The following OSMR variants were observed in gnomAD, a reference collection of about 807,000 sequenced individuals.
OSMR encodes the protein oncostatin-M-specific receptor subunit beta.
Under a neutral mutation model 99.9 loss-of-function variants are expected in OSMR, and 81 were observed. The ratio of observed to expected loss-of-function variants is 0.81; its 90% confidence interval spans 0.68 to 0.97. The LOEUF (loss-of-function observed/expected upper bound fraction) is 0.97. Among genes scored for constraint, OSMR ranks in the 50% least tolerant of loss-of-function variants. The pLI is 0.00. For missense variants in OSMR, 1,099 were observed against 1,153.4 expected, an observed-to-expected ratio of 0.95 and a Z score of 0.68; for synonymous variants, 406 against 410.4, an observed-to-expected ratio of 0.99 and a Z score of 0.13.
downstream of OSMR, chr5:38,939,232 C>T (rs1747270213): frequency 8.6e-6 from 2 of 232,858 alleles, no homozygotes; most frequent in Non-Finnish European, 8.5e-6. Context: ...CACTGCTGAA[C>T]ACTTGGCCGT....
Position 38,933,084 on chromosome 5 carries a change from C to T in OSMR, c.2580C>T (p.Thr860=). 1 of 1,614,184 alleles carries T rather than the reference C, an allele frequency of 6.2e-7. No individual in the cohort carries two copies. Among genetic ancestry groups the T allele is most frequent in the Non-Finnish European group, 8.5e-7 (1 of 1,180,028 alleles). The part of the protein sequence containing the change: ...PGPCICFENL[T]YNQAASDSGS... ...CCTGCATCTGTTTTGAGAACTTGAC[C>T]TATAACCAGGCAGCTTCTGACTCTG... The change falls in exon 18 of 18, where the codon ACC becomes ACT. Residue 860 remains threonine (T), a synonymous_variant. Coordinates refer to ENST00000274276, the MANE Select transcript of OSMR (RefSeq NM_003999.3).
intron 9 of OSMR, among the ~76,000 whole-genome samples, chr5:38,913,461 A>G (rs1487882457): frequency 6.6e-6 from 1 of 152,006 alleles, no homozygotes; most frequent in Non-Finnish European, 1.5e-5. Context: ...GAGGTGGAAG[A>G]AAGGCATGAA....
intron 15 of OSMR, among the ~76,000 whole-genome samples, chr5:38,930,267 C>A (rs913989755): frequency 2.6e-5 from 4 of 152,190 alleles, no homozygotes; most frequent in Admixed American, 2.0e-4. Context: ...AAGAGAGTTT[C>A]TTTCCCCTTT....
chr5:38,944,470 T>A (rs1747952330), intron 2 of OSMR: 1 of 1,611,072 alleles, frequency 6.2e-7, no homozygotes, highest in East Asian at 2.2e-5. Context: ...CTCATGACAT[T>A]TAGTTGAAAC....
At position 38,876,186 on chromosome 5, in the gene OSMR, T is replaced by C; in HGVS notation, c.74-15T>C. ...CTATTAAATATTATTTCATACTTCA[T>C]TTTGATCTTTTCAGTCTTGGCTGAA... On this transcript the variant is annotated splice_polypyrimidine_tract_variant and intron_variant, in intron 2 of 17. Transcript: ENST00000274276. 6.2e-7 allele frequency: 1 copy of C among 1,606,954 alleles called. No homozygotes were observed.
In OSMR at chr5:38,923,188, T is replaced by G. The variant is rs573644654; in HGVS notation, c.1804T>G (p.Tyr602Asp). ...AGGAGTTCGATATGACTTCAGAATTTATGGGTTATCTACAAAAAGGATTGC... is the reference window on the plus strand; with the variant it reads ...AGGAGTTCGATATGACTTCAGAATTGATGGGTTATCTACAAAAAGGATTGC... ...RPGVRYDFRI[Y>D]GLSTKRIACL... is the part of the protein sequence containing the mutation. Residue 602 changes from tyrosine (Y) to aspartate (D), a missense_variant, in exon 13 of 18, where the codon TAT becomes GAT. Physicochemically the swap from Tyr to Asp is radical, Grantham distance 160 (BLOSUM62 -3). Coordinates refer to ENST00000274276, the MANE Select transcript of OSMR (RefSeq NM_003999.3). 2 of 1,613,426 alleles carry G rather than the reference T, an allele frequency of 1.2e-6. No homozygotes were observed. The highest frequency in any genetic ancestry group is 1.7e-6 in the Non-Finnish European group (2 of 1,179,364).
chr5:38,879,496 G>A (rs1397376219), intron 3 of OSMR, among the ~76,000 whole-genome samples: 2 of 152,194 alleles, frequency 1.3e-5, no homozygotes, highest in East Asian at 3.8e-4. Context: ...AAGAGAAGTG[G>A]CTGCATTTAA....
intron 7 of OSMR, among the ~76,000 whole-genome samples, chr5:38,893,872 G>A (rs1416148138): frequency 6.6e-6 from 1 of 152,120 alleles, no homozygotes. Context: ...GGGCATATAG[G>A]CACCAGATTG....
intron 15 of OSMR, among the ~76,000 whole-genome samples, chr5:38,931,460 G>A (rs1456846274): frequency 2.0e-5 from 3 of 152,178 alleles, no homozygotes; most frequent in South Asian, 2.1e-4. Context: ...AGGGCAAGCC[G>A]ATGTATGCAT....
chr5:38,929,330 T>C (rs922033217), intron 15 of OSMR, among the ~76,000 whole-genome samples: 2 of 152,130 alleles, frequency 1.3e-5, no homozygotes, highest in Non-Finnish European at 2.9e-5. Flanking sequence ...GTTAACTTTT[T>C]CTCGGATTAG....
intron 9 of OSMR, among the ~76,000 whole-genome samples, chr5:38,914,531 ATCAT>A (rs1347515421): frequency 6.6e-6 from 1 of 152,084 alleles, no homozygotes; most frequent in East Asian, 2.0e-4. Flanking sequence ...AGGAAAATAA[ATCAT>A]TCTACCAACA....
At chr5:38,855,296 T>A (rs1263702079) in intron 1 of OSMR, among the ~76,000 whole-genome samples, 1 of 152,166 alleles carries the variant, frequency 6.6e-6, no homozygotes, top group African/African-American at 2.4e-5. Context: ...TGGGTTTAAG[T>A]ACTATGTGTA....
At chr5:38,926,103 A>G (rs918878127) in intron 15 of OSMR, among the ~76,000 whole-genome samples, 2 of 152,254 alleles carry the variant, frequency 1.3e-5, no homozygotes, top group Non-Finnish European at 2.9e-5. Context: ...GAGAAAATAG[A>G]TACTGATGGA....
chr5:38,857,535 A>T (rs1167497506), intron 1 of OSMR, among the ~76,000 whole-genome samples: 5 of 152,210 alleles, frequency 3.3e-5, no homozygotes, highest in African/African-American at 1.2e-4. Flanking sequence ...ATACATAATT[A>T]TGGGGTACAG....
rs146207057 is a variant in OSMR, at chr5:38,884,958, C to T, written c.704-391C>T. Among the ~76,000 whole-genome samples, 11 of 152,270 alleles carry T rather than the reference C, an allele frequency of 7.2e-5. No homozygotes were observed. The East Asian group carries it at 2.1e-3, about 29-fold the overall frequency. ...TTTGCCATTCCCTGAACACTCAGCTCCTGCCTGTTGAATTTAGCAGGTGTA... is the reference window on the plus strand; with the variant it reads ...TTTGCCATTCCCTGAACACTCAGCTTCTGCCTGTTGAATTTAGCAGGTGTA... On this transcript the variant is annotated intron_variant, in intron 5 of 17. Coordinates refer to ENST00000274276, the MANE Select transcript of OSMR (RefSeq NM_003999.3).
At position 38,932,950 on chromosome 5, in the gene OSMR, A is replaced by C. The variant is rs1051386132; in HGVS notation, c.2446A>C (p.Thr816Pro). 4 of 1,614,094 alleles carry C rather than the reference A, an allele frequency of 2.5e-6. No homozygotes were observed. The East Asian group carries it at 6.7e-5, about 27-fold the overall frequency. Reference protein sequence around the residue: ...AIEVVSKPEGTKIQFLGTRKS... With the variant: ...AIEVVSKPEGPKIQFLGTRKS... ...TGAAGTTGTAAGCAAGCCAGAAGGG[A>C]CAAAGATACAGTTCCTAGGCACTAG... The change falls in exon 18 of 18, where the codon ACA becomes CCA. Residue 816 changes from threonine to proline, a missense_variant. Thr to Pro is a conservative substitution (Grantham distance 38). Transcript: ENST00000274276.
chr5:38,854,791 T>G (rs1325064035), intron 1 of OSMR, among the ~76,000 whole-genome samples: 1 of 152,158 alleles, frequency 6.6e-6, no homozygotes, highest in East Asian at 1.9e-4. Context: ...TTGGGAATAA[T>G]GGAGACCTGA....
intron 5 of OSMR, among the ~76,000 whole-genome samples, chr5:38,884,316 T>A (rs1743535002): frequency 6.6e-6 from 1 of 152,212 alleles, no homozygotes; most frequent in African/African-American, 2.4e-5. Flanking sequence ...TACTGAGAGT[T>A]GTATTCCTAG....
intron 1 of OSMR, among the ~76,000 whole-genome samples, chr5:38,851,324 G>A (rs1462904446): frequency 6.6e-6 from 1 of 152,068 alleles, no homozygotes; most frequent in Non-Finnish European, 1.5e-5. Context: ...TTATAACTTA[G>A]TAAGTGGGTG....
Sources: allele counts gnomAD v4.1 joint callset (sites outside exome capture counted in the v4.1 genomes callset), GRCh38; gene constraint gnomAD v4.1.1; transcripts MANE v1.5; gene names NCBI Gene and HGNC (gene_info 2026-07-23, HGNC 2026-07-21).